PLA2G6: variants seen among roughly 807,000 people sequenced by gnomAD.
PLA2G6 encodes phospholipase A2 group VI.
PLA2G6 carries 62 observed loss-of-function variants against 83.8 expected under a neutral mutation model. The observed-to-expected ratio is 0.74, with a 90% CI of 0.60 to 0.91. The LOEUF is 0.91. PLA2G6 is among the 40% of genes least tolerant of loss of function. PLA2G6 has a pLI of 0.00. For synonymous variants in PLA2G6, 417 were observed against 449.8 expected, an observed-to-expected ratio of 0.93 and a Z score of 0.92; for missense variants, 944 against 1,102.0, an observed-to-expected ratio of 0.86 and a Z score of 2.03.
chr22:38,143,278 A>G lies in PLA2G6; in HGVS notation c.436T>C (p.Cys146Arg). The G allele has an allele frequency of 1.2e-6, 2 of 1,612,144 alleles. No homozygotes were observed. Among genetic ancestry groups the G allele is most frequent in the African/African-American group, 1.3e-5 (1 of 75,032 alleles). The change falls in exon 4 of 17, where the codon TGC becomes CGC. Residue 146 changes from cysteine to arginine, a missense_variant. By Grantham distance (180) the Cys-to-Arg change is radical. Transcript: ENST00000332509. Reference protein sequence around the residue: ...HHSRIISCANCAENEEGCTPL... With the variant: ...HHSRIISCANRAENEEGCTPL... ...GTGCAGCCCTCCTCGTTCTCCGCGCAATTGGCACAGCTGCAGGAGAGGGCC... is the reference window on the plus strand; with the variant it reads ...GTGCAGCCCTCCTCGTTCTCCGCGCGATTGGCACAGCTGCAGGAGAGGGCC...
Position 38,123,828 on chromosome 22 carries a change from T to C in PLA2G6, c.1428-570A>G, listed in dbSNP as rs953659750. ...AAACGCCTCTGAGGCAGACCCTCCC[T>C]GACATCCCTGTGCTTATTTATTTAG... On this transcript the variant is annotated intron_variant, in intron 10 of 16. Transcript: ENST00000332509. The surrounding 1 kb of genome is among the most constrained non-coding windows in gnomAD (Gnocchi z 4.1). Among the ~76,000 whole-genome samples, 1 of 152,130 alleles carries C rather than the reference T, an allele frequency of 6.6e-6. No individual in the cohort carries two copies. The highest frequency in any genetic ancestry group is 2.4e-5 in the African/African-American group (1 of 41,432).
At chr22:38,176,172 C>A (rs1210294333) in intron 1 of PLA2G6, among the ~76,000 whole-genome samples, 1 of 152,158 alleles carries the variant, frequency 6.6e-6, no homozygotes, top group African/African-American at 2.4e-5. Context: ...TGATCCATCC[C>A]CAGGCTTCGG....
At chr22:38,167,345 C>A (rs2090260570) in intron 2 of PLA2G6, among the ~76,000 whole-genome samples, 1 of 152,116 alleles carries the variant, frequency 6.6e-6, no homozygotes, top group Non-Finnish European at 1.5e-5. Flanking sequence ...TGGAGGTCTG[C>A]CCACACTGGG....
chr22:38,136,433 T>C (rs1256237366), intron 5 of PLA2G6: 2 of 151,878 alleles, frequency 1.3e-5, no homozygotes, highest in African/African-American at 4.8e-5. Context: ...TACTAAAAAA[T>C]ACAAAATTAA....
chr22:38,146,015 G>A, intron 2 of PLA2G6: 1 of 311,642 alleles, frequency 3.2e-6, no homozygotes, highest in South Asian at 3.0e-5. Context: ...TGGGATTACA[G>A]GCATGCACCA....
In PLA2G6 at chr22:38,134,983, C is replaced by T. The variant is rs1569266261; in HGVS notation, c.894+5G>A. On this transcript the variant is annotated splice_donor_5th_base_variant and intron_variant, in intron 6 of 16. Coordinates refer to ENST00000332509, the MANE Select transcript of PLA2G6 (RefSeq NM_003560.4). ...CCCCACCCACCCACCTCAGGATCCA[C>T]TCACCTCTGCGTTCTTGGCCCAGTG... 1 of 1,520,146 alleles carries T rather than the reference C, an allele frequency of 6.6e-7. No individual in the cohort carries two copies. The highest frequency in any genetic ancestry group is 9.1e-7 in the Non-Finnish European group (1 of 1,097,078). The allele number at this position is 1,520,146 out of a possible 1,614,324, so 94.2% of individuals were successfully genotyped here. A position where few individuals can be genotyped will look rare whatever the true frequency, so the allele number is the denominator to read the frequency against.
intron 15 of PLA2G6, chr22:38,112,874 T>G: frequency 3.6e-6 from 2 of 549,044 alleles, no homozygotes; most frequent in African/African-American, 2.0e-5. Context: ...TCCCTGAAGT[T>G]TCCCTCCCTC....
intron 12 of PLA2G6, 49 bp from the exon 13 acceptor site, chr22:38,116,260 C>G (rs1350127355): frequency 1.9e-6 from 3 of 1,607,008 alleles, no homozygotes; most frequent in Non-Finnish European, 2.6e-6. Flanking sequence ...GCCCATCCAC[C>G]TTTCCCTTTC....
chr22:38,119,885 C>A (rs886732481), intron 12 of PLA2G6, among the ~76,000 whole-genome samples: 3 of 152,054 alleles, frequency 2.0e-5, no homozygotes, highest in Admixed American at 6.6e-5. Flanking sequence ...TTATCTACCT[C>A]ATTAAGAACA....
chr22:38,128,532 T>G lies in PLA2G6; in HGVS notation c.1187-102A>C. ...TCCACACTCCGTCCCCTGTCCCAGC[T>G]CCCAGGCCCTGGGCACGTGGGCTGC... On this transcript the variant is annotated intron_variant, in intron 8 of 16. Transcript: ENST00000332509. This position sits in a 1 kb window ranked among gnomAD's most constrained non-coding sequence, Gnocchi z 4.4. 1 of 1,322,568 alleles carries G rather than the reference T, an allele frequency of 7.6e-7. No individual in the cohort carries two copies. The highest frequency in any genetic ancestry group is 1.1e-6 in the Non-Finnish European group (1 of 945,664). The allele number at this position is 1,322,568 out of a possible 1,614,324, so 81.9% of individuals were successfully genotyped here.
In PLA2G6 at chr22:38,155,323, A is replaced by G. The variant is rs528293171; in HGVS notation, c.210-9670T>C. On this transcript the variant is annotated intron_variant, in intron 2 of 16. Transcript: ENST00000332509. ...AGGGAGTTTTTCAATCTGAAAGAAA[A>G]GGACATTAATGAGCAATAAGAAATC... 5.9e-5 allele frequency among the ~76,000 whole-genome samples: 9 copies of G among 152,228 alleles called. 1 individual carries two copies. The South Asian group carries it at 1.9e-3, about 31-fold the overall frequency.
intron 2 of PLA2G6, among the ~76,000 whole-genome samples, chr22:38,160,954 G>C (rs892739982): frequency 1.2e-4 from 19 of 152,244 alleles, no homozygotes; most frequent in African/African-American, 4.6e-4. Context: ...CTCTAGATTC[G>C]AGTGGTGGTT....
chr22:38,127,884 G>A (rs1400278891), intron 9 of PLA2G6, among the ~76,000 whole-genome samples: 2 of 152,208 alleles, frequency 1.3e-5, no homozygotes, highest in Non-Finnish European at 2.9e-5. Flanking sequence ...TGATAGAGGT[G>A]AAGCCAGAGG....
At chr22:38,127,296 G>C in intron 9 of PLA2G6, 1 of 1,266,802 alleles carries the variant, frequency 7.9e-7, no homozygotes, top group Non-Finnish European at 1.0e-6. Flanking sequence ...CAGGGTGCAG[G>C]GGAGGGGGCG....
rs1321484646 is a variant in PLA2G6, at chr22:38,140,001, T to C, written c.778A>G (p.Met260Val). ...TCTTACCCCTTCTGAGAGAACTTCA[T>C]GGCCGAGTGGATGGGGTAGCCGTTG... is the stretch of plus-strand genomic sequence containing the variant. Reference protein sequence around the residue: ...GPNGYPIHSAMKFSQKGCAEM... With the variant: ...GPNGYPIHSAVKFSQKGCAEM... The change falls in exon 5 of 17, where the codon ATG becomes GTG. Residue 260 changes from methionine to valine, a missense_variant. Physicochemically the swap from Met to Val is conservative, Grantham distance 21 (BLOSUM62 1). Transcript: ENST00000332509. 1.1e-5 allele frequency: 17 copies of C among 1,603,476 alleles called. No homozygotes were observed. Among genetic ancestry groups the C allele is most frequent in the Non-Finnish European group, 1.4e-5 (16 of 1,174,192 alleles).
At chr22:38,127,584 C>A (rs2087942074) in intron 9 of PLA2G6, 2 of 589,788 alleles carry the variant, frequency 3.4e-6, no homozygotes, top group African/African-American at 1.9e-5. Flanking sequence ...GGTCGGGCTA[C>A]CCTGGCTGAA....
At position 38,132,005 on chromosome 22, in the gene PLA2G6, C is replaced by T. The variant is rs770784754; in HGVS notation, c.1077+826G>A. 2 of 396,534 alleles carry T rather than the reference C, an allele frequency of 5.0e-6. No homozygotes were observed. The highest frequency in any genetic ancestry group is 1.0e-5 in the Non-Finnish European group (2 of 199,234). 24.6% of individuals were successfully genotyped at this position (396,534 alleles called of 1,614,324 possible). A position where few individuals can be genotyped will look rare whatever the true frequency, so the allele number is the denominator to read the frequency against. On this transcript the variant is annotated intron_variant, in intron 7 of 16. Coordinates refer to ENST00000332509, the MANE Select transcript of PLA2G6 (RefSeq NM_003560.4). The surrounding 1 kb of genome is among the most constrained non-coding windows in gnomAD (Gnocchi z 5.0). ...TGGCACGTGCCTGCAGTCCCAGCTACTTGGGAGGCTGAGGCAGGAGAATCG... is the reference window on the plus strand; with the variant it reads ...TGGCACGTGCCTGCAGTCCCAGCTATTTGGGAGGCTGAGGCAGGAGAATCG...
Position 38,169,483 on chromosome 22 carries a change from C to T in PLA2G6, c.-45-12G>A, listed in dbSNP as rs2090351794. The T allele has an allele frequency of 7.3e-6, 11 of 1,498,896 alleles. No individual in the cohort carries two copies. Among genetic ancestry groups the T allele is most frequent in the Admixed American group, 3.6e-5 (2 of 55,748 alleles). The allele number at this position is 1,498,896 out of a possible 1,614,324, so 92.8% of individuals were successfully genotyped here. On this transcript the variant is annotated splice_polypyrimidine_tract_variant and intron_variant, in intron 1 of 16. Coordinates refer to ENST00000332509, the MANE Select transcript of PLA2G6 (RefSeq NM_003560.4). The stretch of plus-strand genomic sequence containing the variant: ...TCTTCCCCCTCTGTCTGGAAGAAAA[C>T]GAGGTCTCTGGTCAGCCAGGCACAG...
chr22:38,112,645 G>GC, intron 15 of PLA2G6, 68 bp from the exon 16 acceptor site: 1 of 1,338,686 alleles, frequency 7.5e-7, no homozygotes, highest in Non-Finnish European at 1.0e-6. Context: ...GCCCGGCCCT[G>GC]CCCTGCACTC....
Sources: allele counts gnomAD v4.1 joint callset (sites outside exome capture counted in the v4.1 genomes callset), GRCh38; gene constraint gnomAD v4.1.1; non-coding constraint Gnocchi (gnomAD v3.1); transcripts MANE v1.5; gene names NCBI Gene and HGNC (gene_info 2026-07-23, HGNC 2026-07-21).